Variants in MAPK13 observed in about 807,000 individuals in gnomAD.
MAPK13 encodes mitogen-activated protein kinase 13.
A neutral mutation model predicts 53.5 loss-of-function variants in MAPK13; 39 were observed. The ratio of observed to expected loss-of-function variants is 0.73; its 90% CI spans 0.56 to 0.95. The LOEUF (loss-of-function observed/expected upper bound fraction) is 0.95, where lower values mean the gene tolerates loss of function less well. Among genes scored for constraint, MAPK13 ranks in the 40% least tolerant of loss-of-function variants. The pLI, the probability that MAPK13 is intolerant of heterozygous loss-of-function variation, is 0.00. For synonymous variants in MAPK13, 179 were observed against 190.9 expected, an observed-to-expected ratio of 0.94 and a Z score of 0.51; for missense variants, 460 against 471.8, an observed-to-expected ratio of 0.98 and a Z score of 0.23.
intron 5 of MAPK13, 51 bp downstream of exon 5, chr6:36,136,099 G>A (rs760311631): frequency 1.2e-6 from 2 of 1,608,228 alleles, no homozygotes; most frequent in South Asian, 1.1e-5. Context: ...CCATCCCTGG[G>A]TATGGGGTTC....
intron 2 of MAPK13, 106 bp from the exon 3 acceptor site, chr6:36,132,515 G>A: frequency 2.1e-6 from 2 of 932,640 alleles, no homozygotes; most frequent in Non-Finnish European, 3.5e-6. Context: ...TGCTGGAGGT[G>A]GTGTATTAGG....
rs1274490759 is a variant in MAPK13, at chr6:36,140,735, C to T, written c.*1362C>T. ...CTGGGGGGCTTCAGATGGAGTTTCA[C>T]ACTCATCTTACAGGTGTTAAAACTG... On this transcript the variant is annotated 3_prime_UTR_variant, in exon 12 of 12. Coordinates refer to ENST00000211287, the MANE Select transcript of MAPK13 (RefSeq NM_002754.5). 1.3e-5 allele frequency: 2 copies of T among 152,554 alleles called. No individual in the cohort carries two copies. The highest frequency in any genetic ancestry group is 4.8e-5 in the African/African-American group (2 of 41,440). The allele number at this position is 152,554 out of a possible 1,614,324, so 9.5% of individuals were successfully genotyped here.
At chr6:36,134,387 T>TA (rs1766375350) in intron 3 of MAPK13, among the ~76,000 whole-genome samples, 1 of 152,184 alleles carries the variant, frequency 6.6e-6, no homozygotes, top group Non-Finnish European at 1.5e-5. Context: ...ACATTCATTT[T>TA]AAAAAAGTTT....
Position 36,139,488 on chromosome 6 carries a change from T to C in MAPK13, c.*115T>C. On this transcript the variant is annotated 3_prime_UTR_variant, in exon 12 of 12. Coordinates refer to ENST00000211287, the MANE Select transcript of MAPK13 (RefSeq NM_002754.5). ...TTTCAAGCAGAGGACAGAAGGGTCCTTCTCCTTATGTGGGAAATGGGCCTA... is the reference window on the plus strand; with the variant it reads ...TTTCAAGCAGAGGACAGAAGGGTCCCTCTCCTTATGTGGGAAATGGGCCTA... 3.7e-6 allele frequency: 3 copies of C among 811,364 alleles called. No homozygotes were observed. The South Asian group carries it at 4.5e-5, about 12-fold the overall frequency. The allele number at this position is 811,364 out of a possible 1,614,324, so 50.3% of individuals were successfully genotyped here.
At chr6:36,137,408 A>G (rs1336978290) in intron 8 of MAPK13, among the ~76,000 whole-genome samples, 1 of 152,074 alleles carries the variant, frequency 6.6e-6, no homozygotes, top group African/African-American at 2.4e-5. Context: ...CCAGCTACTC[A>G]GGAGGCTGAG....
chr6:36,133,232 G>A (rs1766353156), intron 3 of MAPK13, among the ~76,000 whole-genome samples: 1 of 152,236 alleles, frequency 6.6e-6, no homozygotes, highest in Non-Finnish European at 1.5e-5. Flanking sequence ...AGCTGGCTTG[G>A]TCAAGCTGAA....
chr6:36,136,155 C>T (rs776096034), intron 5 of MAPK13, 107 bp downstream of exon 5: 77 of 1,317,850 alleles, frequency 5.8e-5, no homozygotes, highest in Non-Finnish European at 7.6e-5. Flanking sequence ...GGACACTGCC[C>T]AGGAGCACAG....
intron 11 of MAPK13, 62 bp downstream of exon 11, chr6:36,139,117 C>T: frequency 6.6e-7 from 1 of 1,511,620 alleles, no homozygotes; most frequent in Non-Finnish European, 8.9e-7. Flanking sequence ...TTGCTTCCTC[C>T]ATCTTTGTGC....
chr6:36,131,437 G>A (rs760124050), intron 2 of MAPK13, 37 bp downstream of exon 2: 1 of 1,586,938 alleles, frequency 6.3e-7, no homozygotes, highest in Non-Finnish European at 8.6e-7. Context: ...GGTGGGGGCT[G>A]CCCTGGGGAG....
intron 6 of MAPK13, 53 bp from the exon 7 acceptor site, chr6:36,136,603 C>T: frequency 6.2e-7 from 1 of 1,608,054 alleles, no homozygotes; most frequent in South Asian, 1.1e-5. Flanking sequence ...AAGCCGCTCC[C>T]AGAGCCTCCT....
intron 3 of MAPK13, among the ~76,000 whole-genome samples, chr6:36,133,915 G>C (rs1766365672): frequency 6.6e-6 from 1 of 152,150 alleles, no homozygotes; most frequent in Non-Finnish European, 1.5e-5. Context: ...TTGGTGAAAG[G>C]TTAGATCAGA....
rs1057231666 is a variant in MAPK13, at chr6:36,130,756, C to A, written c.119+55C>A. The A allele has an allele frequency of 7.4e-6, 7 of 944,126 alleles. No individual in the cohort carries two copies. The highest frequency in any genetic ancestry group is 1.1e-5 in the Non-Finnish European group (7 of 643,582). 58.5% of individuals were successfully genotyped at this position (944,126 alleles called of 1,614,324 possible). Reference sequence around the variant, plus strand: ...GGGCGGGCGCCAGGCTCTCCCCTTTCCGCCCAGCCCGCCCTGGGCTGGCCC... The same window carrying A: ...GGGCGGGCGCCAGGCTCTCCCCTTTACGCCCAGCCCGCCCTGGGCTGGCCC... On this transcript the variant is annotated intron_variant, in intron 1 of 11. Transcript: ENST00000211287. The surrounding 1 kb of genome is among the most constrained non-coding windows in gnomAD (Gnocchi z 4.5).
intron 8 of MAPK13, among the ~76,000 whole-genome samples, chr6:36,137,868 A>G (rs1363537610): frequency 2.7e-5 from 4 of 148,784 alleles, no homozygotes; most frequent in African/African-American, 1.0e-4. Context: ...CTGAGGCAGG[A>G]AAATCGCTTG....
At chr6:36,138,504 G>A in intron 9 of MAPK13, 60 bp downstream of exon 9, 1 of 1,526,620 alleles carries the variant, frequency 6.6e-7, no homozygotes, top group Non-Finnish European at 9.0e-7. Flanking sequence ...CGTGGGCCCA[G>A]TGGGCTGCAG....
At chr6:36,137,656 A>C (rs1209224555) in intron 8 of MAPK13, among the ~76,000 whole-genome samples, 4 of 149,544 alleles carry the variant, frequency 2.7e-5, no homozygotes, top group African/African-American at 1.0e-4. Flanking sequence ...ACTCAAAAAA[A>C]AAAAAAAAAA....
Position 36,130,525 on chromosome 6 carries a change from G to T in MAPK13, c.-58G>T. 3.6e-6 allele frequency: 3 copies of T among 825,780 alleles called. No individual in the cohort carries two copies. The highest frequency in any genetic ancestry group is 5.5e-6 in the Non-Finnish European group (3 of 543,484). The allele number at this position is 825,780 out of a possible 1,614,324, so 51.2% of individuals were successfully genotyped here. A position where few individuals can be genotyped will look rare whatever the true frequency, so the allele number is the denominator to read the frequency against. ...CGCAGCGGGGGTCGGGGCGCTGGGA[G>T]CCCGTTGGGCCGCGAACGCAGCCGC... On this transcript the variant is annotated 5_prime_UTR_variant, in exon 1 of 12. Transcript: ENST00000211287. This position sits in a 1 kb window ranked among gnomAD's most constrained non-coding sequence, Gnocchi z 4.5.
chr6:36,132,699 G>A lies in MAPK13; in HGVS notation c.308+20G>A, dbSNP rs534315439. The A allele has an allele frequency of 4.3e-6, 7 of 1,614,136 alleles. No homozygotes were observed. The African/African-American group carries it at 9.3e-5, about 22-fold the overall frequency. On this transcript the variant is annotated intron_variant, in intron 3 of 11. Transcript: ENST00000211287. ...TGACTTGTGAGTTGGGCTGCACTGG[G>A]TTCTGGGGCATTTGCAGGCCTTACA...
chr6:36,135,991 G>T, intron 4 of MAPK13, 28 bp from the exon 5 acceptor site: 3 of 1,614,042 alleles, frequency 1.9e-6, no homozygotes, highest in Non-Finnish European at 2.5e-6. Context: ...CTGGGCCATG[G>T]ACTCACCCTT....
In MAPK13 at chr6:36,138,448, G is replaced by C; in HGVS notation, c.762+4G>C. 6.2e-7 allele frequency: 1 copy of C among 1,613,622 alleles called. No homozygotes were observed. Among genetic ancestry groups the C allele is most frequent in the Non-Finnish European group, 8.5e-7 (1 of 1,179,746 alleles). ...GCAGAAGCTGAACGACAAAGCGGTGGGTGGTAAATGGGACCTAGGCTGGCC... is the reference window on the plus strand; with the variant it reads ...GCAGAAGCTGAACGACAAAGCGGTGCGTGGTAAATGGGACCTAGGCTGGCC... On this transcript the variant is annotated splice_donor_region_variant and intron_variant, in intron 9 of 11. Coordinates refer to ENST00000211287, the MANE Select transcript of MAPK13 (RefSeq NM_002754.5).
Sources: gnomAD v4.1 joint callset for allele counts (sites outside exome capture counted in the v4.1 genomes callset) on GRCh38, gnomAD v4.1.1 for gene constraint, Gnocchi (gnomAD v3.1) non-coding constraint, MANE v1.5 for transcripts, NCBI Gene and HGNC (gene_info 2026-07-23, HGNC 2026-07-21) for gene names.